GNAO1: variants seen among roughly 807,000 people sequenced by gnomAD.
The protein encoded by GNAO1 is G protein subunit alpha o1, also known as guanine nucleotide-binding protein G(o) subunit alpha.
For synonymous variants in GNAO1, 164 were observed against 180.7 expected, an observed-to-expected ratio of 0.91 and a Z score of 0.74; for missense variants, 166 against 478.7, an observed-to-expected ratio of 0.35 and a Z score of 6.10.
intron 3 of GNAO1, among the ~76,000 whole-genome samples, chr16:56,290,400 C>T (rs1016852436): frequency 7.2e-5 from 11 of 152,196 alleles, no homozygotes; most frequent in African/African-American, 2.7e-4. Context: ...GGTGGGTGCT[C>T]TATTGAAGTC....
chr16:56,241,866 G>C (rs1469391291), intron 2 of GNAO1, among the ~76,000 whole-genome samples: 1 of 152,220 alleles, frequency 6.6e-6, no homozygotes, highest in South Asian at 2.1e-4. Context: ...GTGGGAGCTG[G>C]GCATGAGCAG....
intron 3 of GNAO1, among the ~76,000 whole-genome samples, chr16:56,318,473 A>G (rs1256904013): frequency 3.3e-5 from 5 of 152,010 alleles, no homozygotes; most frequent in Non-Finnish European, 7.4e-5. Context: ...TCCCTCTCCC[A>G]TTGGCCTGTG....
At chr16:56,273,102 CT>C (rs1161175759) in intron 2 of GNAO1, among the ~76,000 whole-genome samples, 1 of 152,178 alleles carries the variant, frequency 6.6e-6, no homozygotes, top group Non-Finnish European at 1.5e-5. Context: ...ATTAATACTA[CT>C]TTTTTCACAT....
At chr16:56,202,884 G>A (rs1369778329) in intron 2 of GNAO1, among the ~76,000 whole-genome samples, 3 of 152,206 alleles carry the variant, frequency 2.0e-5, no homozygotes, top group Non-Finnish European at 4.4e-5. Flanking sequence ...TGCTCGGAGT[G>A]TCAGTGATGA....
At chr16:56,298,694 C>T (rs919608097) in intron 3 of GNAO1, among the ~76,000 whole-genome samples, 7 of 151,960 alleles carry the variant, frequency 4.6e-5, no homozygotes, top group African/African-American at 1.7e-4. Flanking sequence ...GGGCAGATCA[C>T]GAGATCAGGA....
At position 56,326,296 on chromosome 16, in the gene GNAO1, T is replaced by A. The variant is rs1364638027; in HGVS notation, c.304-2335T>A. Among the ~76,000 whole-genome samples the A allele has an allele frequency of 1.3e-4, 20 of 152,208 alleles. No individual in the cohort carries two copies. Among genetic ancestry groups the A allele is most frequent in the Admixed American group, 1.3e-3 (20 of 15,286 alleles). ...ATAGAGGGGCCACTCGGATGGTGGT[T>A]ACCTTGCATTTTGGTTAGGAGAGTG... On this transcript the variant is annotated intron_variant, in intron 3 of 8. Transcript: ENST00000262493. The surrounding 1 kb of genome is among the most constrained non-coding windows in gnomAD (Gnocchi z 4.8).
chr16:56,351,379 C>T lies in GNAO1; in HGVS notation c.724-5C>T, dbSNP rs529454065. The stretch of plus-strand genomic sequence containing the variant: ...GTCCTCTCTCCTCCCTTCCTGCGGC[C>T]GCAGAACCGCATGCACGAGTCTCTC... On this transcript the variant is annotated splice_region_variant and splice_polypyrimidine_tract_variant and intron_variant, in intron 6 of 8. Coordinates refer to ENST00000262493, the MANE Select transcript of GNAO1 (RefSeq NM_020988.3). The surrounding 1 kb of genome is among the most constrained non-coding windows in gnomAD (Gnocchi z 6.1). The T allele has an allele frequency of 1.6e-5, 25 of 1,609,414 alleles. No individual in the cohort carries two copies. Among genetic ancestry groups the T allele is most frequent in the Middle Eastern group, 1.7e-4 (1 of 6,050 alleles).
intron 6 of GNAO1, among the ~76,000 whole-genome samples, chr16:56,340,070 C>G (rs540120280): frequency 6.6e-6 from 1 of 152,236 alleles, no homozygotes; most frequent in Admixed American, 6.5e-5. Context: ...CAGGAGCTAG[C>G]CAGGATGCCC....
chr16:56,267,234 C>T (rs2036963771), intron 2 of GNAO1, among the ~76,000 whole-genome samples: 2 of 152,312 alleles, frequency 1.3e-5, no homozygotes, highest in South Asian at 4.1e-4. Context: ...AGTAGGTATG[C>T]TGCCAGTGCC....
At chr16:56,208,772 T>C (rs2036356556) in intron 2 of GNAO1, among the ~76,000 whole-genome samples, 2 of 152,346 alleles carry the variant, frequency 1.3e-5, no homozygotes, top group South Asian at 4.1e-4. Context: ...ACATTTGGAT[T>C]TCCTCTTTTG....
At chr16:56,287,371 G>A (rs2037183161) in intron 3 of GNAO1, among the ~76,000 whole-genome samples, 1 of 152,254 alleles carries the variant, frequency 6.6e-6, no homozygotes, top group Non-Finnish European at 1.5e-5. Context: ...TCCTGGCCCT[G>A]CCCTCTGCCA....
chr16:56,229,879 G>A (rs746295447), intron 2 of GNAO1, among the ~76,000 whole-genome samples: 31 of 152,214 alleles, frequency 2.0e-4, no homozygotes, highest in East Asian at 9.6e-4. Context: ...AGAACTTCTC[G>A]AGCTTTTCCA....
chr16:56,218,907 C>G (rs541437899), intron 2 of GNAO1, among the ~76,000 whole-genome samples: 4 of 152,110 alleles, frequency 2.6e-5, no homozygotes, highest in African/African-American at 4.8e-5. Flanking sequence ...TTGAACAGAC[C>G]GCCCCTCACT....
intron 2 of GNAO1, among the ~76,000 whole-genome samples, chr16:56,275,359 C>T (rs1326516215): frequency 5.3e-5 from 8 of 152,156 alleles, no homozygotes; most frequent in Non-Finnish European, 1.0e-4. Flanking sequence ...TCCACCAGAA[C>T]GAGGGTGGTA....
At chr16:56,340,722 A>T (rs2037793984) in intron 6 of GNAO1, 1 of 914,442 alleles carries the variant, frequency 1.1e-6, no homozygotes, top group Non-Finnish European at 1.7e-6. Flanking sequence ...CCGGTGGTGC[A>T]TCCAGCCACA....
rs190618827 is a variant in GNAO1, at chr16:56,195,685, C to T, written c.161+3069C>T. ...AGCAGAAAGCCCTCTTTAGGTTACA[C>T]CCTGTGATAACCCAGTGATTTCCTA... On this transcript the variant is annotated intron_variant, in intron 2 of 8. Transcript: ENST00000262493. 5.9e-5 allele frequency among the ~76,000 whole-genome samples: 9 copies of T among 152,338 alleles called. No homozygotes were observed. The East Asian group carries it at 1.7e-3, about 29-fold the overall frequency.
intron 2 of GNAO1, among the ~76,000 whole-genome samples, chr16:56,239,854 G>A (rs2036676758): frequency 6.6e-6 from 1 of 152,188 alleles, no homozygotes; most frequent in African/African-American, 2.4e-5. Context: ...GACAGCACAT[G>A]GCTTCTCTTA....
intron 3 of GNAO1, among the ~76,000 whole-genome samples, chr16:56,287,031 G>A (rs1447089488): frequency 6.6e-6 from 1 of 152,222 alleles, no homozygotes. Context: ...ACCATGAGAT[G>A]GCTGAGCTCG....
chr16:56,195,757 G>A (rs2036226733), intron 2 of GNAO1, among the ~76,000 whole-genome samples: 2 of 152,250 alleles, frequency 1.3e-5, no homozygotes, highest in South Asian at 2.1e-4. Flanking sequence ...TTGAGAGGAA[G>A]AATGTGGATA....
Sources: allele counts gnomAD v4.1 joint callset (sites outside exome capture counted in the v4.1 genomes callset), GRCh38; gene constraint gnomAD v4.1.1; non-coding constraint Gnocchi (gnomAD v3.1); transcripts MANE v1.5; gene names NCBI Gene and HGNC (gene_info 2026-07-23, HGNC 2026-07-21).